Variants in TMEM178B observed in about 807,000 individuals in gnomAD.
TMEM178B encodes transmembrane protein 178B.
TMEM178B carries 5 observed loss-of-function variants against 31.0 expected under a neutral mutation model. The ratio of observed to expected loss-of-function variants is 0.16; its 90% CI spans 0.08 to 0.34. TMEM178B has a LOEUF of 0.34. TMEM178B is among the 10% of genes least tolerant of loss of function. The pLI, the probability that TMEM178B is intolerant of heterozygous loss-of-function variation, is 1.00. For missense variants in TMEM178B, 275 were observed against 400.3 expected (o/e 0.69, Z 2.67); for synonymous variants, 164 against 164.0 (o/e 1.00, Z 0.00).
At position 141,401,636 on chromosome 7, in the gene TMEM178B, G is replaced by A. The variant is rs143657172; in HGVS notation, c.497-35972G>A. On this transcript the variant is annotated intron_variant, in intron 2 of 3. Transcript: ENST00000565468. ...GGAGTTACGGTATGTTGCCCAGGCT[G>A]GTCAAGAGATTCTCCCAACTTGGCC... Among the ~76,000 whole-genome samples the A allele has an allele frequency of 4.9e-3, 751 of 152,078 alleles. 7 individuals are homozygous for A. The highest frequency in any genetic ancestry group is 0.017 in the African/African-American group (721 of 41,462).
chr7:141,215,814 CTTTCTTT>C (rs1797128052), intron 2 of TMEM178B, among the ~76,000 whole-genome samples: 1 of 88,464 alleles, frequency 1.1e-5, no homozygotes, highest in South Asian at 4.4e-4. Flanking sequence ...TTCTTTCTTT[CTTTCTTT>C]CTTTCTTTCT....
At chr7:141,183,828 CTGAGGA>C (rs1188514666) in intron 1 of TMEM178B, among the ~76,000 whole-genome samples, 1 of 152,162 alleles carries the variant, frequency 6.6e-6, no homozygotes, top group Non-Finnish European at 1.5e-5. Flanking sequence ...AGGTCCTGAG[CTGAGGA>C]ATGTGGGTTT....
In TMEM178B at chr7:141,130,252, T is replaced by C. The variant is rs73501158; in HGVS notation, c.382+55560T>C. Reference sequence around the variant, plus strand: ...TAAAATATGTAGATTTTCTTCTTTGTCACATAACATTATGCAAGTCAGATT... The same window carrying C: ...TAAAATATGTAGATTTTCTTCTTTGCCACATAACATTATGCAAGTCAGATT... On this transcript the variant is annotated intron_variant, in intron 1 of 3. Coordinates refer to ENST00000565468, the MANE Select transcript of TMEM178B (RefSeq NM_001195278.2). Among the ~76,000 whole-genome samples, 384 of 152,336 alleles carry C rather than the reference T, an allele frequency of 2.5e-3. 3 individuals are homozygous for C. The highest frequency in any genetic ancestry group is 8.6e-3 in the African/African-American group (359 of 41,580).
chr7:141,438,342 A>G (rs1801589035), intron 3 of TMEM178B, among the ~76,000 whole-genome samples: 1 of 152,244 alleles, frequency 6.6e-6, no homozygotes, highest in South Asian at 2.1e-4. Flanking sequence ...GGAGAACTGC[A>G]CAACTATGTG....
intron 2 of TMEM178B, among the ~76,000 whole-genome samples, chr7:141,312,446 G>A (rs1479704725): frequency 2.6e-5 from 4 of 152,216 alleles, no homozygotes; most frequent in Non-Finnish European, 4.4e-5. Context: ...CAAAGAGAAA[G>A]CACTAGAGTA....
At chr7:141,141,447 A>C (rs922650100) in intron 1 of TMEM178B, among the ~76,000 whole-genome samples, 2 of 152,198 alleles carry the variant, frequency 1.3e-5, no homozygotes, top group Non-Finnish European at 2.9e-5. Flanking sequence ...AGGTATGCCC[A>C]TGGCTACTGG....
chr7:141,403,041 A>T (rs1013978225), intron 2 of TMEM178B, among the ~76,000 whole-genome samples: 1 of 152,156 alleles, frequency 6.6e-6, no homozygotes, highest in Non-Finnish European at 1.5e-5. Flanking sequence ...TATAAATTTC[A>T]TTTGCCCTGA....
chr7:141,479,448 T>G lies in TMEM178B; in HGVS notation c.*8662T>G, dbSNP rs1802435525. The G allele has an allele frequency of 6.6e-6, 1 of 152,204 alleles. No homozygotes were observed. The highest frequency in any genetic ancestry group is 1.5e-5 in the Non-Finnish European group (1 of 68,046). The allele number at this position is 152,204 out of a possible 1,614,324, so 9.4% of individuals were successfully genotyped here. On this transcript the variant is annotated 3_prime_UTR_variant, in exon 4 of 4. Coordinates refer to ENST00000565468, the MANE Select transcript of TMEM178B (RefSeq NM_001195278.2). ...CTTGGACTGGGACTCAACCCACCAT[T>G]GCCTACCTCTCTTCCCTGCCTGGAG...
At chr7:141,275,176 A>C (rs1295046533) in intron 2 of TMEM178B, among the ~76,000 whole-genome samples, 1 of 152,184 alleles carries the variant, frequency 6.6e-6, no homozygotes, top group African/African-American at 2.4e-5. Context: ...TGTATTCAAG[A>C]TACTCAAAAC....
At chr7:141,178,151 C>T (rs768330573) in intron 1 of TMEM178B, among the ~76,000 whole-genome samples, 5 of 152,140 alleles carry the variant, frequency 3.3e-5, no homozygotes, top group Non-Finnish European at 1.5e-5. Flanking sequence ...TGACAAATCT[C>T]TCTGCCATTT....
intron 2 of TMEM178B, among the ~76,000 whole-genome samples, chr7:141,423,741 T>A (rs1304034686): frequency 3.3e-5 from 5 of 152,006 alleles, no homozygotes; most frequent in Non-Finnish European, 4.4e-5. Flanking sequence ...CATGCTTTGT[T>A]CCCATGGACC....
At chr7:141,428,593 C>T (rs1477762885) in intron 2 of TMEM178B, among the ~76,000 whole-genome samples, 3 of 152,098 alleles carry the variant, frequency 2.0e-5, no homozygotes, top group African/African-American at 7.2e-5. Flanking sequence ...CTTTAGTAAA[C>T]ACACTGTGTG....
At chr7:141,437,538 G>C (rs1801568493) in intron 2 of TMEM178B, 70 bp from the exon 3 acceptor site, 3 of 1,517,984 alleles carry the variant, frequency 2.0e-6, no homozygotes, top group Non-Finnish European at 2.6e-6. Flanking sequence ...ACCCACCCCA[G>C]GGCTGGGGTA....
intron 2 of TMEM178B, among the ~76,000 whole-genome samples, chr7:141,328,106 A>C (rs1586894282): frequency 6.6e-6 from 1 of 152,202 alleles, no homozygotes; most frequent in African/African-American, 2.4e-5. Flanking sequence ...TGCATACTCA[A>C]TTCTGTTTCC....
chr7:141,099,832 C>CTTT lies in TMEM178B; in HGVS notation c.382+25153_382+25155dup, dbSNP rs11372173. ...TGTCTGTAAAATGAAAACGGTGTCT[C>CTTT]TTTTTTTTTTTTTTTGAGACAGAGT... On this transcript the variant is annotated intron_variant, in intron 1 of 3. Coordinates refer to ENST00000565468, the MANE Select transcript of TMEM178B (RefSeq NM_001195278.2). 9.1e-4 allele frequency among the ~76,000 whole-genome samples: 129 copies of CTTT among 141,820 alleles called. 3 individuals carry two copies. The highest frequency in any genetic ancestry group is 2.9e-3 in the African/African-American group (112 of 38,318). The allele number at this position is 141,820 out of a possible 152,430, so 93.0% of individuals were successfully genotyped here. A position where few individuals can be genotyped will look rare whatever the true frequency, so the allele number is the denominator to read the frequency against.
At chr7:141,212,167 CCA>C (rs1050954384) in intron 1 of TMEM178B, among the ~76,000 whole-genome samples, 1 of 152,102 alleles carries the variant, frequency 6.6e-6, no homozygotes, top group African/African-American at 2.4e-5. Flanking sequence ...CACCATTCCC[CCA>C]GCTCACCATT....
At chr7:141,323,569 T>C (rs1340900058) in intron 2 of TMEM178B, among the ~76,000 whole-genome samples, 1 of 152,242 alleles carries the variant, frequency 6.6e-6, no homozygotes, top group African/African-American at 2.4e-5. Context: ...TAGGTGGTTC[T>C]AATCCTTTTC....
intron 2 of TMEM178B, among the ~76,000 whole-genome samples, chr7:141,238,665 G>T (rs1250202696): frequency 6.6e-6 from 1 of 152,194 alleles, no homozygotes; most frequent in East Asian, 1.9e-4. Context: ...ACTGAGGCAG[G>T]TTCAGCAGTA....
chr7:141,438,697 A>ACT (rs1491222599), intron 3 of TMEM178B, among the ~76,000 whole-genome samples: 3 of 36,194 alleles, frequency 8.3e-5, no homozygotes, highest in African/African-American at 2.2e-4. Flanking sequence ...CGTCTCTACT[A>ACT]AAAAAAAAAA....
Sources: allele counts gnomAD v4.1 joint callset (sites outside exome capture counted in the v4.1 genomes callset), GRCh38; gene constraint gnomAD v4.1.1; transcripts MANE v1.5; gene names NCBI Gene and HGNC (gene_info 2026-07-23, HGNC 2026-07-21).